CDH18: variants seen among roughly 807,000 people sequenced by gnomAD.
CDH18 encodes cadherin-18.
A neutral mutation model predicts 67.9 loss-of-function variants in CDH18; 31 were observed. The observed-to-expected ratio is 0.46, with a 90% CI of 0.34 to 0.62. The LOEUF (loss-of-function observed/expected upper bound fraction) is 0.62. CDH18 is among the 20% of genes least tolerant of loss of function. CDH18 has a pLI of 0.01. For synonymous variants in CDH18, 362 were observed against 347.2 expected (o/e 1.04, Z -0.48); for missense variants, 890 against 975.5 (o/e 0.91, Z 1.17).
At chr5:19,926,759 A>G (rs1160668406) in intron 2 of CDH18, among the ~76,000 whole-genome samples, 1 of 152,066 alleles carries the variant, frequency 6.6e-6, no homozygotes, top group Non-Finnish European at 1.5e-5. Flanking sequence ...CAGTGTATCA[A>G]TTTCCAATTT....
At chr5:19,843,946 G>C (rs1782632869) in intron 2 of CDH18, among the ~76,000 whole-genome samples, 1 of 152,150 alleles carries the variant, frequency 6.6e-6, no homozygotes, top group South Asian at 2.1e-4. Flanking sequence ...TTCAAAGATT[G>C]ATTCTTATTC....
intron 5 of CDH18, among the ~76,000 whole-genome samples, chr5:19,706,075 T>C (rs1222734747): frequency 6.6e-6 from 1 of 152,188 alleles, no homozygotes; most frequent in Non-Finnish European, 1.5e-5. Flanking sequence ...AATTGAGGTA[T>C]TGACTGCTTT....
intron 1 of CDH18, among the ~76,000 whole-genome samples, chr5:20,464,973 G>T (rs1751538297): frequency 6.6e-6 from 1 of 152,116 alleles, no homozygotes; most frequent in Admixed American, 6.6e-5. Flanking sequence ...GAATAGGAAA[G>T]AAGACATTGG....
chr5:19,824,733 G>T (rs1780234845), intron 3 of CDH18, among the ~76,000 whole-genome samples: 1 of 152,136 alleles, frequency 6.6e-6, no homozygotes, highest in Non-Finnish European at 1.5e-5. Flanking sequence ...TGTGAACTCA[G>T]CCAAAGGACA....
intron 8 of CDH18, among the ~76,000 whole-genome samples, chr5:19,550,484 A>G (rs1331727269): frequency 6.6e-6 from 1 of 151,770 alleles, no homozygotes; most frequent in African/African-American, 2.4e-5. Context: ...TCATTGTTCA[A>G]TTCCAACCTA....
intron 5 of CDH18, among the ~76,000 whole-genome samples, chr5:19,626,321 C>T (rs1237431125): frequency 1.3e-5 from 2 of 152,134 alleles, no homozygotes; most frequent in East Asian, 3.9e-4. Context: ...TGAAGTCACT[C>T]AAGAAGAGCA....
chr5:19,620,167 C>T (rs2150137811), intron 5 of CDH18, among the ~76,000 whole-genome samples: 1 of 152,214 alleles, frequency 6.6e-6, no homozygotes, highest in East Asian at 1.9e-4. Flanking sequence ...TATGTTTTTT[C>T]TCTTCCTACC....
intron 2 of CDH18, among the ~76,000 whole-genome samples, chr5:20,095,798 A>G (rs1041004544): frequency 2.6e-5 from 4 of 151,986 alleles, no homozygotes; most frequent in Middle Eastern, 3.2e-3. Context: ...AACTGTTAAC[A>G]AGATATAAAA....
intron 3 of CDH18, among the ~76,000 whole-genome samples, chr5:19,834,791 C>T (rs1405583643): frequency 6.6e-6 from 1 of 152,084 alleles, no homozygotes; most frequent in Non-Finnish European, 1.5e-5. Context: ...ACCCAGGAGT[C>T]ATTCAGGAGC....
chr5:19,675,063 C>T (rs566830188), intron 5 of CDH18, among the ~76,000 whole-genome samples: 39 of 152,052 alleles, frequency 2.6e-4, no homozygotes, highest in African/African-American at 7.5e-4. Context: ...CATCACATGT[C>T]GGCAGGTTCC....
At chr5:20,243,572 G>A (rs2940452) in intron 2 of CDH18, among the ~76,000 whole-genome samples, 1 of 151,482 alleles carries the variant, frequency 6.6e-6, no homozygotes, top group African/African-American at 2.4e-5. Context: ...TTATCATCTA[G>A]CTCGCTGTGA....
At chr5:20,181,780 A>G (rs1163370717) in intron 2 of CDH18, among the ~76,000 whole-genome samples, 1 of 152,072 alleles carries the variant, frequency 6.6e-6, no homozygotes, top group African/African-American at 2.4e-5. Flanking sequence ...TTAAATTTTC[A>G]AATAAGCATG....
At chr5:19,930,119 G>A (rs1793520292) in intron 2 of CDH18, among the ~76,000 whole-genome samples, 1 of 151,972 alleles carries the variant, frequency 6.6e-6, no homozygotes, top group African/African-American at 2.4e-5. Flanking sequence ...GAACCTTAAG[G>A]GTCACAGCTT....
chr5:20,042,648 T>C (rs988702760), intron 2 of CDH18, among the ~76,000 whole-genome samples: 1 of 152,294 alleles, frequency 6.6e-6, no homozygotes, highest in African/African-American at 2.4e-5. Context: ...AAACCTCATT[T>C]CCACCAATTT....
At chr5:20,069,393 C>CT (rs1325149278) in intron 2 of CDH18, among the ~76,000 whole-genome samples, 13 of 130,178 alleles carry the variant, frequency 1.0e-4, no homozygotes, top group Admixed American at 5.4e-4. Flanking sequence ...GCATTGCCCT[C>CT]TTTTTTTTAT....
chr5:20,071,622 T>C (rs1358938906), intron 2 of CDH18, among the ~76,000 whole-genome samples: 1 of 152,076 alleles, frequency 6.6e-6, no homozygotes, highest in Non-Finnish European at 1.5e-5. Flanking sequence ...TGTTTATTAA[T>C]ATTAAGTTAA....
At chr5:20,568,241 GGATTT>G (rs1758624947) in intron 1 of CDH18, among the ~76,000 whole-genome samples, 1 of 152,048 alleles carries the variant, frequency 6.6e-6, no homozygotes, top group Non-Finnish European at 1.5e-5. Flanking sequence ...AGAAGGACCT[GGATTT>G]GAAACCCAAT....
intron 1 of CDH18, among the ~76,000 whole-genome samples, chr5:20,311,013 T>A (rs1003935545): frequency 1.1e-4 from 17 of 152,166 alleles, no homozygotes; most frequent in African/African-American, 4.1e-4. Flanking sequence ...AAGATCATCC[T>A]TGAATAGTTT....
At chr5:19,982,481 GC>G (rs957306248) in intron 1 of CDH18, among the ~76,000 whole-genome samples, 75 of 151,806 alleles carry the variant, frequency 4.9e-4, no homozygotes, top group Non-Finnish European at 7.7e-4. Context: ...ATATTTAATT[GC>G]CATACATTTA....
Sources: allele counts gnomAD v4.1 joint callset (sites outside exome capture counted in the v4.1 genomes callset), GRCh38; gene constraint gnomAD v4.1.1; transcripts MANE v1.5; gene names NCBI Gene and HGNC (gene_info 2026-07-23, HGNC 2026-07-21).